Variants in BLTP1 observed in about 807,000 individuals in gnomAD.
BLTP1 encodes fragile site-associated protein.
At chr4:122,359,822 T>C in the BLTP1 span, 1 of 1,466,306 alleles carries the variant, frequency 6.8e-7, no homozygotes, top group Admixed American at 2.5e-5. Flanking sequence ...AAAAATATAT[T>C]CAGAAGTTAG....
the BLTP1 span, among the ~76,000 whole-genome samples, chr4:122,257,886 T>C: frequency 0.076 from 11,523 of 152,240 alleles, 1,008 homozygotes; most frequent in East Asian, 0.31. Context: ...TCTCTTGATC[T>C]ATCCAGGACA....
At chr4:122,167,577 C>A in the BLTP1 span, 1 of 760,416 alleles carries the variant, frequency 1.3e-6, no homozygotes, top group Non-Finnish European at 1.6e-6. Flanking sequence ...CCCTACTGGC[C>A]ATGGATGTTC....
chr4:122,169,125 T>C, the BLTP1 span, among the ~76,000 whole-genome samples: 1 of 152,092 alleles, frequency 6.6e-6, no homozygotes, highest in Non-Finnish European at 1.5e-5. Flanking sequence ...TTTTTTATTT[T>C]TATTTTTTTG....
chr4:122,174,928 A>G, the BLTP1 span: 9 of 519,916 alleles, frequency 1.7e-5, no homozygotes, highest in South Asian at 3.4e-4. Context: ...ACCATTTTAT[A>G]TCACAGAGTT....
the BLTP1 span, chr4:122,207,619 A>G: frequency 3.1e-6 from 5 of 1,606,732 alleles, no homozygotes; most frequent in African/African-American, 4.0e-5. Context: ...GCTACATGTA[A>G]TACCAAGTTC....
At chr4:122,347,302 A>G in the BLTP1 span, 1 of 922,640 alleles carries the variant, frequency 1.1e-6, no homozygotes, top group Non-Finnish European at 1.3e-6. Flanking sequence ...CCTCACCTGT[A>G]AACTGAGACC....
At chr4:122,184,582 G>C in the BLTP1 span, 2 of 433,084 alleles carry the variant, frequency 4.6e-6, no homozygotes, top group Non-Finnish European at 6.1e-6. Flanking sequence ...CCAGGTTGCA[G>C]TGAGCTGAGA....
the BLTP1 span, chr4:122,224,635 T>C: frequency 6.2e-7 from 1 of 1,614,102 alleles, no homozygotes; most frequent in Admixed American, 1.7e-5. Context: ...GGTTAATTGA[T>C]GTGCAGGCTG....
At chr4:122,226,530 TA>T in the BLTP1 span, 1 of 1,422,990 alleles carries the variant, frequency 7.0e-7, no homozygotes, top group Non-Finnish European at 9.1e-7. Context: ...CATAAGCATG[TA>T]AATGATATTA....
At chr4:122,159,733 C>T in the BLTP1 span, among the ~76,000 whole-genome samples, 16 of 152,056 alleles carry the variant, frequency 1.1e-4, no homozygotes, top group African/African-American at 2.7e-4. Context: ...TGGAAACAGG[C>T]GCAAAGAGAT....
the BLTP1 span, chr4:122,226,099 A>T: frequency 6.6e-6 from 1 of 152,092 alleles, no homozygotes; most frequent in African/African-American, 2.4e-5. Flanking sequence ...ATTTTCCAAG[A>T]GTTTAAATTA....
the BLTP1 span, chr4:122,247,703 T>A: frequency 9.6e-7 from 1 of 1,039,380 alleles, no homozygotes; most frequent in Non-Finnish European, 1.2e-6. Context: ...ATTTTTTAAG[T>A]CATTCTGTTT....
chr4:122,166,461 G>A, the BLTP1 span, among the ~76,000 whole-genome samples: 9 of 152,290 alleles, frequency 5.9e-5, no homozygotes, highest in African/African-American at 1.9e-4. Context: ...GTACCATGCT[G>A]TTTTGGTTAC....
the BLTP1 span, chr4:122,293,001 T>G: frequency 1.2e-6 from 1 of 861,526 alleles, no homozygotes; most frequent in Non-Finnish European, 1.4e-6. Flanking sequence ...TAGTCTCCCT[T>G]AGGAAATAAC....
chr4:122,181,604 C>T, the BLTP1 span, among the ~76,000 whole-genome samples: 8 of 151,540 alleles, frequency 5.3e-5, no homozygotes, highest in Admixed American at 1.3e-4. Context: ...ATTGTATAAG[C>T]TGCTAATCTT....
chr4:122,298,749 A>G, the BLTP1 span: 2 of 519,830 alleles, frequency 3.8e-6, no homozygotes, highest in Non-Finnish European at 4.9e-6. Context: ...GTATTGAGGC[A>G]TAGGAATGAT....
chr4:122,154,241 T>C, the BLTP1 span: 1 of 874,022 alleles, frequency 1.1e-6, no homozygotes, highest in Non-Finnish European at 1.3e-6. Flanking sequence ...AGTGGTGCGA[T>C]CTTGGCTCAC....
the BLTP1 span, chr4:122,304,636 T>C: frequency 6.8e-6 from 6 of 883,474 alleles, no homozygotes; most frequent in African/African-American, 9.1e-5. Flanking sequence ...ACCCACTTTA[T>C]TACAATGGTC....
the BLTP1 span, among the ~76,000 whole-genome samples, chr4:122,342,748 A>G: frequency 6.6e-6 from 1 of 152,240 alleles, no homozygotes; most frequent in East Asian, 1.9e-4. Context: ...AGTGCAGTTC[A>G]GTTTAAATGC....
Sources: allele counts gnomAD v4.1 joint callset (sites outside exome capture counted in the v4.1 genomes callset), GRCh38; gene constraint gnomAD v4.1.1; transcripts MANE v1.5; gene names NCBI Gene and HGNC (gene_info 2026-07-23, HGNC 2026-07-21).